Variants in LAMB1 observed in about 807,000 individuals in gnomAD.
LAMB1 encodes laminin subunit beta 1.
In LAMB1, 121 loss-of-function variants were observed where a neutral mutation model predicts 222.3. The ratio of observed to expected loss-of-function variants is 0.54; its 90% CI spans 0.47 to 0.63. The LOEUF (loss-of-function observed/expected upper bound fraction) is 0.63, where lower values mean the gene tolerates loss of function less well. LAMB1 is among the 30% of genes least tolerant of loss of function. The pLI is 0.00. For missense variants in LAMB1, 2,172 were observed against 2,240.8 expected, an observed-to-expected ratio of 0.97 and a Z score of 0.62; for synonymous variants, 794 against 807.2, an observed-to-expected ratio of 0.98 and a Z score of 0.28.
intron 27 of LAMB1, 166 bp downstream of exon 27, chr7:107,935,249 C>G: frequency 1.0e-6 from 1 of 987,080 alleles, no homozygotes; most frequent in Non-Finnish European, 1.5e-6. Context: ...TACAGATACC[C>G]CATTCCAGGA....
Position 107,940,134 on chromosome 7 carries a change from C to T in LAMB1, c.3616G>A (p.Ala1206Thr), listed in dbSNP as rs2032945173. Reference protein sequence around the residue: ...RTHRFLEKAKALKISGVIGPY... With the variant: ...RTHRFLEKAKTLKISGVIGPY... ...CCGATCACACCACTGATCTTCAAGGCCTTGGCTTTCTCCAGGAATCTGTGT... is the reference window on the plus strand; with the variant it reads ...CCGATCACACCACTGATCTTCAAGGTCTTGGCTTTCTCCAGGAATCTGTGT... Residue 1206 changes from alanine (A) to threonine (T), a missense_variant, in exon 25 of 34, where the codon GCC (alanine) becomes ACC (threonine). Ala to Thr is a moderately conservative substitution (Grantham distance 58). Transcript: ENST00000222399. 2.5e-6 allele frequency: 4 copies of T among 1,614,152 alleles called. No individual in the cohort carries two copies. In the East Asian group the frequency reaches 8.9e-5, roughly 36 times the overall value.
Position 107,924,009 on chromosome 7 carries a change from A to ACTT in LAMB1, c.5300_5302dup (p.Glu1767dup). 5 of 1,602,542 alleles carry ACTT rather than the reference A, an allele frequency of 3.1e-6. No homozygotes were observed. In the South Asian group the frequency reaches 5.7e-5, roughly 18 times the overall value. ...GCTTATATCCTTTAGGAGTGAACGG[A>ACTT]CTTCTCCTTCCAGTCTTGCTAATTC... On this transcript the variant is annotated inframe_insertion, in exon 34 of 34. Coordinates refer to ENST00000222399, the MANE Select transcript of LAMB1 (RefSeq NM_002291.3).
In LAMB1 at chr7:107,926,251, A is replaced by C. The variant is rs778600685; in HGVS notation, c.4996T>G (p.Ser1666Ala). 5 of 1,613,912 alleles carry C rather than the reference A, an allele frequency of 3.1e-6. No individual in the cohort carries two copies. In the South Asian group the frequency reaches 5.5e-5, roughly 18 times the overall value. The change falls in exon 32 of 34, where the codon TCC becomes GCC. Residue 1666 changes from serine to alanine, a missense_variant. Transcript: ENST00000222399. ...TTTTCAATATATTCTGCCTCCCCGG[A>C]GTTTTGGGCAGCTTTCCGCTTAAGT... ...EELKRKAAQN[S>A]GEAEYIEKVV...
intron 4 of LAMB1, among the ~76,000 whole-genome samples, chr7:107,996,939 T>C (rs1049597628): frequency 2.0e-5 from 3 of 152,236 alleles, no homozygotes; most frequent in African/African-American, 7.2e-5. Flanking sequence ...CGGGGTACAC[T>C]GCAGATTTAC....
intron 24 of LAMB1, among the ~76,000 whole-genome samples, chr7:107,943,861 T>C (rs1457453326): frequency 1.3e-5 from 2 of 152,166 alleles, no homozygotes; most frequent in African/African-American, 2.4e-5. Flanking sequence ...GAGAAAGAGA[T>C]ACCCTTCAAA....
At chr7:107,972,130 A>G (rs1344292280) in intron 13 of LAMB1, among the ~76,000 whole-genome samples, 7 of 152,246 alleles carry the variant, frequency 4.6e-5, no homozygotes, top group African/African-American at 1.7e-4. Flanking sequence ...TACATGCTGT[A>G]CTGGGTCTAT....
At chr7:107,966,931 C>A (rs1397371472) in intron 13 of LAMB1, among the ~76,000 whole-genome samples, 2 of 152,228 alleles carry the variant, frequency 1.3e-5, no homozygotes, top group African/African-American at 2.4e-5. Flanking sequence ...ATTGTCATCA[C>A]AGATAGGCAT....
At chr7:107,950,676 A>G (rs988020142) in intron 24 of LAMB1, among the ~76,000 whole-genome samples, 35 of 152,276 alleles carry the variant, frequency 2.3e-4, no homozygotes, top group African/African-American at 7.9e-4. Context: ...ATTGCCCTCC[A>G]GTTTTCACTG....
rs781028898 is a variant in LAMB1 at position 107,955,557 on chromosome 7, C to T, written c.2764G>A (p.Gly922Ser). Reference sequence around the variant, plus strand: ...GCAAACTGGCGTCCACTGTCGGGACCATCTGGGCAAGGGCAAGGGCGGCAG... The same window carrying T: ...GCAAACTGGCGTCCACTGTCGGGACTATCTGGGCAAGGGCAAGGGCGGCAG... ...DHCRPCPCPD[G>S]PDSGRQFARS... The change falls in exon 21 of 34, where the codon GGT becomes AGT. Residue 922 changes from glycine (G) to serine (S), a missense_variant. By Grantham distance (56) the Gly-to-Ser change is moderately conservative. Coordinates refer to ENST00000222399, the MANE Select transcript of LAMB1 (RefSeq NM_002291.3). 1 of 1,614,062 alleles carries T rather than the reference C, an allele frequency of 6.2e-7. No individual in the cohort carries two copies. Among genetic ancestry groups the T allele is most frequent in the Non-Finnish European group, 8.5e-7 (1 of 1,179,992 alleles).
intron 24 of LAMB1, among the ~76,000 whole-genome samples, chr7:107,943,736 G>A (rs990089557): frequency 5.3e-5 from 8 of 152,098 alleles, no homozygotes; most frequent in African/African-American, 1.7e-4. Context: ...ACGCGACCCC[G>A]TTTTGTGGAG....
intron 7 of LAMB1, among the ~76,000 whole-genome samples, chr7:107,983,563 T>C (rs2034014739): frequency 6.8e-6 from 1 of 148,046 alleles, no homozygotes; most frequent in Non-Finnish European, 1.5e-5. Flanking sequence ...TTTTTTTTTT[T>C]TTTTTTTGAG....
At chr7:107,983,808 G>A (rs1205376723) in intron 7 of LAMB1, among the ~76,000 whole-genome samples, 5 of 151,940 alleles carry the variant, frequency 3.3e-5, no homozygotes, top group Non-Finnish European at 4.4e-5. Context: ...GAGCCACCGC[G>A]CCCAGTGAGC....
In LAMB1 at chr7:107,973,451, CATCA is replaced by C. The variant is rs1428046479; in HGVS notation, c.1483-384_1483-381del. ...TAAATCTGCCCTCAGTTCAGTCTGT[CATCA>C]ATCCCATACAGAAAGCCCTCCAAGA... On this transcript the variant is annotated intron_variant, in intron 12 of 33. Coordinates refer to ENST00000222399, the MANE Select transcript of LAMB1 (RefSeq NM_002291.3). Among the ~76,000 whole-genome samples the C allele has an allele frequency of 2.0e-5, 3 of 152,202 alleles. No homozygotes were observed. In the East Asian group the frequency reaches 5.8e-4, roughly 29 times the overall value.
intron 12 of LAMB1, 56 bp from the exon 13 acceptor site, chr7:107,973,127 C>A: frequency 7.2e-7 from 1 of 1,388,854 alleles, no homozygotes; most frequent in East Asian, 2.3e-5. Context: ...ATGCAACAGA[C>A]TCAGCAACAA....
intron 25 of LAMB1, among the ~76,000 whole-genome samples, chr7:107,938,694 G>T (rs2032908166): frequency 6.6e-6 from 1 of 152,114 alleles, no homozygotes. Flanking sequence ...TCCTAAATGG[G>T]CTTGCATTCG....
chr7:107,930,420 C>T (rs2032677106), intron 29 of LAMB1, among the ~76,000 whole-genome samples: 1 of 152,130 alleles, frequency 6.6e-6, no homozygotes, highest in African/African-American at 2.4e-5. Context: ...TTAGCAAATA[C>T]TGTTGACTCC....
chr7:107,984,540 G>A (rs1354912507), intron 7 of LAMB1, among the ~76,000 whole-genome samples: 1 of 152,164 alleles, frequency 6.6e-6, no homozygotes, highest in East Asian at 1.9e-4. Flanking sequence ...GAGCCTCCAC[G>A]CCTGGCCCAT....
At chr7:107,993,888 G>A (rs2034233122) in intron 5 of LAMB1, among the ~76,000 whole-genome samples, 2 of 152,178 alleles carry the variant, frequency 1.3e-5, no homozygotes, top group Admixed American at 1.3e-4. Context: ...GGCTGCTGGG[G>A]AGTGGGCAAG....
intron 13 of LAMB1, among the ~76,000 whole-genome samples, chr7:107,969,985 T>TCGAA (rs2033714548): frequency 6.6e-6 from 1 of 152,212 alleles, no homozygotes; most frequent in African/African-American, 2.4e-5. Context: ...CGTTCTGGAT[T>TCGAA]CGAAGTACAA....
Sources: allele counts gnomAD v4.1 joint callset (sites outside exome capture counted in the v4.1 genomes callset), GRCh38; gene constraint gnomAD v4.1.1; transcripts MANE v1.5; gene names NCBI Gene and HGNC (gene_info 2026-07-23, HGNC 2026-07-21).